Variants in SCD5 observed in about 807,000 individuals in gnomAD.
SCD5 encodes the protein acyl-CoA-desaturase 4.
A neutral mutation model predicts 30.4 loss-of-function variants in SCD5; 20 were observed. The ratio of observed to expected loss-of-function variants is 0.66; its 90% CI spans 0.46 to 0.96. The LOEUF (loss-of-function observed/expected upper bound fraction) is 0.96, where lower values mean the gene tolerates loss of function less well. Among genes scored for constraint, SCD5 ranks in the 40% least tolerant of loss-of-function variants. The pLI is 0.00. For missense variants in SCD5, 381 were observed against 443.3 expected (o/e 0.86, Z 1.26); for synonymous variants, 173 against 176.4 (o/e 0.98, Z 0.16).
chr4:82,659,050 G>A (rs1056305104), intron 3 of SCD5, among the ~76,000 whole-genome samples: 6 of 152,028 alleles, frequency 3.9e-5, no homozygotes, highest in Non-Finnish European at 7.4e-5. Flanking sequence ...ACTTCTTCCC[G>A]GTGTAGTCCT....
intron 1 of SCD5, among the ~76,000 whole-genome samples, chr4:82,770,588 T>C (rs921651019): frequency 6.6e-6 from 1 of 152,236 alleles, no homozygotes; most frequent in Non-Finnish European, 1.5e-5. Context: ...GGGAAATATT[T>C]GTTAAGTATA....
At chr4:82,692,180 C>T (rs560586958) in intron 2 of SCD5, 162 of 157,290 alleles carry the variant, frequency 1.0e-3, no homozygotes, top group Non-Finnish European at 1.5e-3. Flanking sequence ...TTTGTGGAGA[C>T]TCTGGGCTTC....
intron 2 of SCD5, among the ~76,000 whole-genome samples, chr4:82,693,533 T>C (rs565527082): frequency 1.3e-5 from 2 of 152,090 alleles, no homozygotes; most frequent in East Asian, 1.9e-4. Context: ...AGAGAGCTTA[T>C]TGGAAATTAC....
chr4:82,730,215 T>C (rs1360968993), intron 1 of SCD5, among the ~76,000 whole-genome samples: 1 of 145,626 alleles, frequency 6.9e-6, no homozygotes, highest in African/African-American at 2.5e-5. Context: ...ATATAATACA[T>C]ATATTATATT....
At chr4:82,771,418 TA>T (rs1442963918) in intron 1 of SCD5, among the ~76,000 whole-genome samples, 1 of 152,104 alleles carries the variant, frequency 6.6e-6, no homozygotes, top group Non-Finnish European at 1.5e-5. Flanking sequence ...GACAAGGGGG[TA>T]TTTCAAGAAG....
intron 2 of SCD5, chr4:82,692,521 C>T (rs1403382188): frequency 1.3e-5 from 2 of 152,310 alleles, no homozygotes; most frequent in Admixed American, 1.3e-4. Flanking sequence ...GCCTGTTCTC[C>T]CTACGTCGGG....
chr4:82,670,507 AG>A (rs919627791), intron 3 of SCD5, among the ~76,000 whole-genome samples: 5 of 152,210 alleles, frequency 3.3e-5, no homozygotes, highest in Admixed American at 3.3e-4. Flanking sequence ...CACAAAAGGC[AG>A]AAAAAGAATA....
chr4:82,780,164 C>T (rs1239435222), intron 1 of SCD5, among the ~76,000 whole-genome samples: 2 of 152,214 alleles, frequency 1.3e-5, no homozygotes, highest in African/African-American at 2.4e-5. Flanking sequence ...ACATTCCATG[C>T]CTAGCATGTG....
chr4:82,673,858 T>C (rs544657778), intron 3 of SCD5, among the ~76,000 whole-genome samples: 6 of 152,248 alleles, frequency 3.9e-5, no homozygotes, highest in African/African-American at 7.2e-5. Context: ...CACATAAATA[T>C]AGTCAACTGA....
At chr4:82,666,789 GTTC>G (rs1728199975) in intron 3 of SCD5, among the ~76,000 whole-genome samples, 2 of 152,298 alleles carry the variant, frequency 1.3e-5, no homozygotes, top group South Asian at 2.1e-4. Context: ...AACATATACT[GTTC>G]TTCTTTTGAC....
chr4:82,783,906 T>G (rs945586844), intron 1 of SCD5, among the ~76,000 whole-genome samples: 1 of 152,122 alleles, frequency 6.6e-6, no homozygotes, highest in African/African-American at 2.4e-5. Flanking sequence ...GTGGTTATAT[T>G]CTTGTTCTCA....
At chr4:82,660,912 C>A in intron 3 of SCD5, 1 of 1,614,114 alleles carries the variant, frequency 6.2e-7, no homozygotes, top group South Asian at 1.1e-5. Flanking sequence ...GAGCACGCAG[C>A]ATCAAGCAGC....
chr4:82,666,480 A>C (rs1162351176), intron 3 of SCD5, among the ~76,000 whole-genome samples: 1 of 151,764 alleles, frequency 6.6e-6, no homozygotes, highest in Non-Finnish European at 1.5e-5. Context: ...GCGCCACTGC[A>C]CTCCAGCCTG....
intron 1 of SCD5, among the ~76,000 whole-genome samples, chr4:82,784,441 C>T (rs1721943746): frequency 6.6e-6 from 1 of 152,110 alleles, no homozygotes; most frequent in Admixed American, 6.5e-5. Flanking sequence ...GAAATAGCTT[C>T]GCAATTTTAT....
At chr4:82,774,270 C>CAACAATAGGGGGT (rs1418161580) in intron 1 of SCD5, among the ~76,000 whole-genome samples, 1 of 151,712 alleles carries the variant, frequency 6.6e-6, no homozygotes, top group Non-Finnish European at 1.5e-5. Context: ...TTAAGTACAT[C>CAACAATAGGGGGT]TAAACGTTGG....
intron 1 of SCD5, among the ~76,000 whole-genome samples, chr4:82,783,390 GA>G (rs1341142905): frequency 6.6e-5 from 10 of 152,140 alleles, no homozygotes; most frequent in African/African-American, 2.4e-4. Context: ...TCCAAAGGGG[GA>G]AAAAAATAGC....
intron 3 of SCD5, among the ~76,000 whole-genome samples, chr4:82,647,831 A>T (rs1727663720): frequency 6.6e-6 from 1 of 152,196 alleles, no homozygotes; most frequent in African/African-American, 2.4e-5. Context: ...CCGGACTTTT[A>T]AAAAAATTGT....
At chr4:82,723,529 C>G (rs1720412990) in intron 1 of SCD5, among the ~76,000 whole-genome samples, 1 of 152,072 alleles carries the variant, frequency 6.6e-6, no homozygotes. Flanking sequence ...TTGTCGATTA[C>G]CATAAGATGC....
intron 1 of SCD5, among the ~76,000 whole-genome samples, chr4:82,766,124 A>G (rs1380023067): frequency 6.6e-6 from 1 of 152,178 alleles, no homozygotes; most frequent in Non-Finnish European, 1.5e-5. Context: ...CTTCTTGAAT[A>G]AGTGGAATTT....
Sources: allele counts gnomAD v4.1 joint callset (sites outside exome capture counted in the v4.1 genomes callset), GRCh38; gene constraint gnomAD v4.1.1; transcripts MANE v1.5; gene names NCBI Gene and HGNC (gene_info 2026-07-23, HGNC 2026-07-21).